The following SLC35D4 variants were observed in gnomAD, a reference collection of about 807,000 sequenced individuals.
SLC35D4 encodes solute carrier family 35 member D4, also known as UDP-N-acetylglucosamine transporter SLC35D4.
At chr18:23,307,757 C>A in the SLC35D4 span, among the ~76,000 whole-genome samples, 1 of 152,234 alleles carries the variant, frequency 6.6e-6, no homozygotes, top group African/African-American at 2.4e-5. Context: ...TGGGGCAGGG[C>A]AGTGTGGCCT....
the SLC35D4 span, among the ~76,000 whole-genome samples, chr18:23,392,241 T>C: frequency 6.6e-6 from 1 of 152,172 alleles, no homozygotes; most frequent in Non-Finnish European, 1.5e-5. Flanking sequence ...CTGGCCCTTT[T>C]ACTTAGATTT....
chr18:23,363,252 CAA>C, the SLC35D4 span, among the ~76,000 whole-genome samples: 75,054 of 108,194 alleles, frequency 0.69, 25,733 homozygotes, highest in Non-Finnish European at 0.78. Context: ...GACTCTGTCT[CAA>C]AAAAAAAAAA....
the SLC35D4 span, among the ~76,000 whole-genome samples, chr18:23,277,640 A>G: frequency 1.3e-5 from 2 of 152,206 alleles, no homozygotes; most frequent in African/African-American, 4.8e-5. Flanking sequence ...GGCAAGGGAA[A>G]CTTTATTCAA....
the SLC35D4 span, among the ~76,000 whole-genome samples, chr18:23,351,427 C>CA: frequency 8.2e-4 from 4 of 4,866 alleles, no homozygotes; most frequent in African/African-American, 9.5e-4. Flanking sequence ...AAAACAAAAA[C>CA]AAAAACAAAA....
At chr18:23,286,862 A>C in the SLC35D4 span, among the ~76,000 whole-genome samples, 1 of 151,976 alleles carries the variant, frequency 6.6e-6, no homozygotes, top group Non-Finnish European at 1.5e-5. Context: ...CTATTCCTGG[A>C]TTACAGCTGC....
At chr18:23,371,475 A>C in the SLC35D4 span, 1 of 1,592,174 alleles carries the variant, frequency 6.3e-7, no homozygotes, top group Non-Finnish European at 8.5e-7. Flanking sequence ...ATTAAACTGA[A>C]ACACAAAATT....
chr18:23,402,389 A>G, the SLC35D4 span, among the ~76,000 whole-genome samples: 1 of 152,228 alleles, frequency 6.6e-6, no homozygotes, highest in South Asian at 2.1e-4. Flanking sequence ...TAAGGGTAGT[A>G]TATGCAAGAA....
At chr18:23,277,797 C>G in the SLC35D4 span, among the ~76,000 whole-genome samples, 1 of 152,174 alleles carries the variant, frequency 6.6e-6, no homozygotes, top group African/African-American at 2.4e-5. Context: ...TTTTGCTAAA[C>G]TGGCCTGGCA....
the SLC35D4 span, among the ~76,000 whole-genome samples, chr18:23,295,262 T>C: frequency 6.6e-6 from 1 of 151,680 alleles, no homozygotes; most frequent in East Asian, 1.9e-4. Context: ...CAATGCATGC[T>C]GGGCTTAATA....
chr18:23,388,052 T>TG, the SLC35D4 span, among the ~76,000 whole-genome samples: 1 of 152,162 alleles, frequency 6.6e-6, no homozygotes, highest in South Asian at 2.1e-4. Context: ...AATATTAAAG[T>TG]GGGGGCTGGA....
chr18:23,253,646 A>G, the SLC35D4 span: 6 of 1,146,866 alleles, frequency 5.2e-6, no homozygotes, highest in Middle Eastern at 2.8e-4. Context: ...AAAGAGAAAA[A>G]GCATTCAAGA....
the SLC35D4 span, among the ~76,000 whole-genome samples, chr18:23,387,588 AT>A: frequency 6.6e-6 from 1 of 152,124 alleles, no homozygotes; most frequent in Admixed American, 6.5e-5. Context: ...TTTCAGATGA[AT>A]TTATTCTTTA....
chr18:23,358,357 C>T, the SLC35D4 span, among the ~76,000 whole-genome samples: 1 of 151,940 alleles, frequency 6.6e-6, no homozygotes, highest in African/African-American at 2.4e-5. Context: ...ACTCATGGCG[C>T]GTGGCAGCTT....
At chr18:23,285,680 TTCTACAGACCTATCTGACC>T in the SLC35D4 span, among the ~76,000 whole-genome samples, 1 of 152,102 alleles carries the variant, frequency 6.6e-6, no homozygotes. Flanking sequence ...AATCTTCCTT[TTCTACAGACCTATCTGACC>T]TCTCCCCTCC....
At chr18:23,373,180 TG>T in the SLC35D4 span, among the ~76,000 whole-genome samples, 1 of 151,850 alleles carries the variant, frequency 6.6e-6, no homozygotes, top group African/African-American at 2.4e-5. Flanking sequence ...CTGGGCATGG[TG>T]GTGGGCGCTT....
At chr18:23,335,548 A>T in the SLC35D4 span, among the ~76,000 whole-genome samples, 1 of 152,220 alleles carries the variant, frequency 6.6e-6, no homozygotes, top group East Asian at 1.9e-4. Flanking sequence ...AAGAAAACCG[A>T]ACCCCTATAG....
At chr18:23,371,485 TA>T in the SLC35D4 span, 14 of 1,583,596 alleles carry the variant, frequency 8.8e-6, no homozygotes, top group Admixed American at 1.9e-5. Flanking sequence ...AACACAAAAT[TA>T]AAAAAAGAAA....
chr18:23,274,317 T>A, the SLC35D4 span, among the ~76,000 whole-genome samples: 1 of 152,242 alleles, frequency 6.6e-6, no homozygotes, highest in Non-Finnish European at 1.5e-5. Flanking sequence ...CCCAGGCTGC[T>A]GAGCCCTCAG....
the SLC35D4 span, among the ~76,000 whole-genome samples, chr18:23,272,360 A>G: frequency 3.9e-5 from 6 of 152,142 alleles, no homozygotes; most frequent in African/African-American, 1.4e-4. Flanking sequence ...CAGGAGGATC[A>G]CTTGAGCTCA....
Sources: allele counts gnomAD v4.1 joint callset (sites outside exome capture counted in the v4.1 genomes callset), GRCh38; gene constraint gnomAD v4.1.1; transcripts MANE v1.5; gene names NCBI Gene and HGNC (gene_info 2026-07-23, HGNC 2026-07-21).